XRRA1: variants seen among roughly 807,000 people sequenced by gnomAD.
The protein encoded by XRRA1 is X-ray radiation resistance associated 1.
XRRA1 carries 69 observed loss-of-function variants against 80.2 expected under a neutral mutation model. That is an observed-to-expected ratio of 0.86 (90% CI 0.71 to 1.05). The LOEUF (loss-of-function observed/expected upper bound fraction) is 1.05. XRRA1 is among the 50% of genes least tolerant of loss of function. XRRA1 has a pLI of 0.00. For synonymous variants in XRRA1, 348 were observed against 389.9 expected, an observed-to-expected ratio of 0.89 and a Z score of 1.27; for missense variants, 967 against 976.4, an observed-to-expected ratio of 0.99 and a Z score of 0.13.
rs2036952245 is a variant in XRRA1 at position 74,843,439 on chromosome 11, GGTGCAGGACAGCAC to G, written c.2150_2163del (p.Gly717AlafsTer53). 1.2e-6 allele frequency: 2 copies of G among 1,612,204 alleles called. No individual in the cohort carries two copies. The highest frequency in any genetic ancestry group is 2.2e-5 in the South Asian group (2 of 90,534). Reference sequence around the variant, plus strand: ...TTCACCAGCCGCCGTTCTGTCCACTGGTGCAGGACAGCACCTGCAGGAAAAGAAGCCAGGAGAGG... The same window carrying G: ...TTCACCAGCCGCCGTTCTGTCCACTGCTGCAGGAAAAGAAGCCAGGAGAGG... On this transcript the variant is annotated frameshift_variant and splice_region_variant, in exon 19 of 19. Coordinates refer to ENST00000684022, the MANE Select transcript of XRRA1 (RefSeq NM_001378157.1). LOFTEE classifies it high-confidence loss of function.
At chr11:74,912,162 T>A (rs2056075240) in intron 8 of XRRA1, among the ~76,000 whole-genome samples, 2 of 152,116 alleles carry the variant, frequency 1.3e-5, no homozygotes, top group African/African-American at 4.8e-5. Context: ...CCATCCTGAG[T>A]GACTCTAGGT....
At chr11:74,875,386 T>C (rs906297536) in intron 10 of XRRA1, among the ~76,000 whole-genome samples, 12 of 152,114 alleles carry the variant, frequency 7.9e-5, no homozygotes, top group Admixed American at 2.6e-4. Flanking sequence ...AGGGTATACT[T>C]TTCAGCTCTC....
rs1305236587 is a variant in XRRA1 at position 74,841,375 on chromosome 11, T to C, written c.*1825A>G. 6.6e-6 allele frequency: 1 copy of C among 152,202 alleles called. No homozygotes were observed. The highest frequency in any genetic ancestry group is 1.5e-5 in the Non-Finnish European group (1 of 68,044). 9.4% of individuals were successfully genotyped at this position (152,202 alleles called of 1,614,324 possible). ...GAAGATGATCTAGGAAATGCATCTT[T>C]ATACATGATTGTTAGCTGCTGTAGC... is the stretch of plus-strand genomic sequence containing the variant. On this transcript the variant is annotated 3_prime_UTR_variant, in exon 19 of 19. Transcript: ENST00000684022.
chr11:74,921,309 G>C lies in XRRA1; in HGVS notation c.561C>G (p.Ala187=), dbSNP rs746031963. The change falls in exon 8 of 19, where the codon GCC becomes GCG. Residue 187 remains alanine, a synonymous_variant. Transcript: ENST00000684022. ...GTGGCAGAATCCCCAAATCACAGAT[G>C]GCCTCCACAGTCAGGCTGTTGAAGG... ...DLSFNSLTVE[A]ICDLGILPHL... is the part of the protein sequence containing the mutation. 32 of 1,613,824 alleles carry C rather than the reference G, an allele frequency of 2.0e-5. 1 individual carries two copies. In the South Asian group the frequency reaches 3.4e-4, roughly 17 times the overall value.
At position 74,844,272 on chromosome 11, in the gene XRRA1, T is replaced by C; in HGVS notation, c.1939A>G (p.Asn647Asp). Residue 647 changes from asparagine (N) to aspartate (D), a missense_variant, in exon 17 of 19, where the codon AAT becomes GAT. Transcript: ENST00000684022. ...AFIEPKGIQK[N>D]AQALQQMLKH... ...AGCATTTGTTGCAGGGCTTGTGCAT[T>C]CTTCTGGATTCCTAGGGCAAGAAGG... is the stretch of plus-strand genomic sequence containing the variant. 6.2e-7 allele frequency: 1 copy of C among 1,612,686 alleles called. No homozygotes were observed. Among genetic ancestry groups the C allele is most frequent in the South Asian group, 1.1e-5 (1 of 91,014 alleles).
rs1485364557 is a variant in XRRA1, at chr11:74,846,135, T to C, written c.1729-864A>G. On this transcript the variant is annotated intron_variant, in intron 15 of 18. Coordinates refer to ENST00000684022, the MANE Select transcript of XRRA1 (RefSeq NM_001378157.1). ...ATGGAGCAGGTCAAAACTCGCATCC[T>C]GATCAGTAGTGGGATGGTGCCTGTG... 2.0e-5 allele frequency: 3 copies of C among 152,164 alleles called. No homozygotes were observed. In the East Asian group the frequency reaches 5.8e-4, roughly 29 times the overall value. 9.4% of individuals were successfully genotyped at this position (152,164 alleles called of 1,614,324 possible). A position where few individuals can be genotyped will look rare whatever the true frequency, so the allele number is the denominator to read the frequency against.
At chr11:74,919,781 A>G (rs1340760172) in intron 8 of XRRA1, 1 of 436,036 alleles carries the variant, frequency 2.3e-6, no homozygotes, top group African/African-American at 2.1e-5. Context: ...TGCACAACTG[A>G]TACCAGGCTC....
chr11:74,870,562 T>C (rs772744360), intron 10 of XRRA1, among the ~76,000 whole-genome samples: 1 of 152,156 alleles, frequency 6.6e-6, no homozygotes, highest in Non-Finnish European at 1.5e-5. Flanking sequence ...ATGCAAAGGA[T>C]TGCCATTTTT....
rs562708634 is a variant in XRRA1, at chr11:74,857,610, CCTTAA to C, written c.1170+1543_1170+1547del. 1.4e-3 allele frequency among the ~76,000 whole-genome samples: 208 copies of C among 152,224 alleles called. 1 individual carries two copies. Among genetic ancestry groups the C allele is most frequent in the African/African-American group, 3.9e-3 (162 of 41,544 alleles). On this transcript the variant is annotated intron_variant, in intron 12 of 18. Coordinates refer to ENST00000684022, the MANE Select transcript of XRRA1 (RefSeq NM_001378157.1). ...AAGATCTGAGTGACACAACCAACCA[CCTTAA>C]CTTAATATTTATAGAACACTTTCCC... is the stretch of plus-strand genomic sequence containing the variant.
In XRRA1 at chr11:74,934,188, C is replaced by A. The variant is rs534617503; in HGVS notation, c.280-316G>T. ...AGGTTAAGAGAAGTTATGTGCCTTG[C>A]CAAAGGTCCCACAGTTAGTAAGTGA... On this transcript the variant is annotated intron_variant, in intron 4 of 18. Transcript: ENST00000684022. 2.0e-5 allele frequency among the ~76,000 whole-genome samples: 3 copies of A among 152,240 alleles called. No individual in the cohort carries two copies. The East Asian group carries it at 5.8e-4, about 29-fold the overall frequency.
rs748042902 is a variant in XRRA1 at position 74,927,378 on chromosome 11, A to G, written c.522+13T>C. On this transcript the variant is annotated intron_variant, in intron 7 of 18. Transcript: ENST00000684022. ...ACTTGGTGGGCACCAAAAACTCCCT[A>G]CCTCCAACTTACTTCTAATAACTTA... 6.4e-7 allele frequency: 1 copy of G among 1,557,442 alleles called. No homozygotes were observed. Among genetic ancestry groups the G allele is most frequent in the Non-Finnish European group, 8.9e-7 (1 of 1,129,278 alleles).
chr11:74,856,793 A>G lies in XRRA1; in HGVS notation c.1170+2365T>C, dbSNP rs542819165. On this transcript the variant is annotated intron_variant, in intron 12 of 18. Coordinates refer to ENST00000684022, the MANE Select transcript of XRRA1 (RefSeq NM_001378157.1). ...CACAAAAAGGCAGGGGGCCTTACCA[A>G]CCCTTCTCCATAGTTAACGAAAGCC... Among the ~76,000 whole-genome samples, 15 of 152,214 alleles carry G rather than the reference A, an allele frequency of 9.9e-5. No individual in the cohort carries two copies. The South Asian group carries it at 3.1e-3, about 32-fold the overall frequency.
chr11:74,864,794 A>G (rs1163334511), intron 10 of XRRA1, among the ~76,000 whole-genome samples: 1 of 152,178 alleles, frequency 6.6e-6, no homozygotes, highest in Non-Finnish European at 1.5e-5. Context: ...CCTCTTGCAC[A>G]AGGACCCAGA....
chr11:74,883,199 G>A (rs1257311897), intron 10 of XRRA1, among the ~76,000 whole-genome samples: 7 of 152,264 alleles, frequency 4.6e-5, no homozygotes, highest in African/African-American at 1.4e-4. Flanking sequence ...CCAGGTGCAG[G>A]ATATAATCTC....
chr11:74,884,915 G>A (rs1272583897), intron 10 of XRRA1, among the ~76,000 whole-genome samples: 1 of 152,106 alleles, frequency 6.6e-6, no homozygotes, highest in Admixed American at 6.5e-5. Flanking sequence ...CAAAAAACAA[G>A]AAATAACCAA....
chr11:74,872,611 C>G (rs1341300616), intron 10 of XRRA1, among the ~76,000 whole-genome samples: 2 of 152,084 alleles, frequency 1.3e-5, no homozygotes, highest in Non-Finnish European at 2.9e-5. Flanking sequence ...GCCACCCCAA[C>G]CATGTCCAGC....
chr11:74,867,963 C>T (rs1386917480), intron 10 of XRRA1, among the ~76,000 whole-genome samples: 1 of 135,736 alleles, frequency 7.4e-6, no homozygotes, highest in Non-Finnish European at 1.5e-5. Flanking sequence ...CTCCCGTCAT[C>T]CAGGCTGGAG....
intron 10 of XRRA1, among the ~76,000 whole-genome samples, chr11:74,900,415 T>A (rs1240020148): frequency 6.6e-6 from 1 of 151,828 alleles, no homozygotes; most frequent in Non-Finnish European, 1.5e-5. Flanking sequence ...AAACCCCATG[T>A]CTACTGAAAA....
At chr11:74,880,396 T>C (rs2136644715) in intron 10 of XRRA1, among the ~76,000 whole-genome samples, 1 of 152,032 alleles carries the variant, frequency 6.6e-6, no homozygotes, top group Admixed American at 6.5e-5. Context: ...ATTTTGTTGA[T>C]CCTTTCAAAA....
Sources: gnomAD v4.1 joint callset for allele counts (sites outside exome capture counted in the v4.1 genomes callset) on GRCh38, gnomAD v4.1.1 for gene constraint, MANE v1.5 for transcripts, NCBI Gene and HGNC (gene_info 2026-07-23, HGNC 2026-07-21) for gene names.